The following MX1 variants were observed in gnomAD, a reference collection of about 807,000 sequenced individuals.
MX1 encodes the protein MX dynamin like GTPase 1, also known as interferon-induced GTP-binding protein Mx1.
A neutral mutation model predicts 66.4 loss-of-function variants in MX1; 66 were observed. The observed-to-expected ratio is 0.99, with a 90% CI of 0.82 to 1.22. The LOEUF is 1.22. MX1 is among the 50% of genes most tolerant of loss of function. MX1 has a pLI of 0.00. For missense variants in MX1, 787 were observed against 834.3 expected (o/e 0.94, Z 0.70); for synonymous variants, 311 against 318.1 (o/e 0.98, Z 0.24).
intron 15 of MX1, among the ~76,000 whole-genome samples, chr21:41,452,219 G>T (rs1328431089): frequency 6.6e-6 from 1 of 152,172 alleles, no homozygotes; most frequent in East Asian, 1.9e-4. Context: ...TAAACCCCGG[G>T]AACATAAAAC....
intron 16 of MX1, among the ~76,000 whole-genome samples, chr21:41,453,301 A>G (rs1327911995): frequency 6.6e-6 from 1 of 152,180 alleles, no homozygotes; most frequent in Non-Finnish European, 1.5e-5. Context: ...CTCCCACAAC[A>G]GGTGGGAATT....
At chr21:41,425,786 T>A (rs927609545), upstream of MX1, among the ~76,000 whole-genome samples, 14 of 151,680 alleles carry the variant, frequency 9.2e-5, no homozygotes, top group Admixed American at 9.2e-4. Context: ...CTGGACGGAG[T>A]TCGGGACAAG....
At position 41,441,575 on chromosome 21, in the gene MX1, C is replaced by G; in HGVS notation, c.731-141C>G. On this transcript the variant is annotated intron_variant, in intron 9 of 16. Coordinates refer to ENST00000398598, the MANE Select transcript of MX1 (RefSeq NM_002462.5). The surrounding 1 kb of genome is among the most constrained non-coding windows in gnomAD (Gnocchi z 4.0). ...TTTTCTGGAGCGGGGCTCCACTGCC[C>G]CCATGGTTCTGCAGGGGCTATGGCC... The G allele has an allele frequency of 1.2e-6, 1 of 839,886 alleles. No individual in the cohort carries two copies. The highest frequency in any genetic ancestry group is 2.5e-5 in the East Asian group (1 of 40,476). The allele number at this position is 839,886 out of a possible 1,614,324, so 52.0% of individuals were successfully genotyped here. A position where few individuals can be genotyped will look rare whatever the true frequency, so the allele number is the denominator to read the frequency against.
intron 16 of MX1, among the ~76,000 whole-genome samples, chr21:41,453,148 C>A (rs959650068): frequency 6.6e-6 from 1 of 152,130 alleles, no homozygotes; most frequent in Non-Finnish European, 1.5e-5. Context: ...TCTTACCTGG[C>A]GGCGGTGGCA....
chr21:41,452,962 G>A (rs763658752), intron 16 of MX1, 93 bp downstream of exon 16: 114 of 1,458,282 alleles, frequency 7.8e-5, no homozygotes, highest in Non-Finnish European at 9.8e-5. Context: ...TGTAGGTGAC[G>A]TTGGTCAGCT....
At chr21:41,429,295 T>A (rs532358030) in intron 3 of MX1, 1 of 152,344 alleles carries the variant, frequency 6.6e-6, no homozygotes, top group East Asian at 1.9e-4. Context: ...GTTTATGGTT[T>A]ACAGACAAAA....
chr21:41,434,087 A>T (rs2090296059), intron 5 of MX1, among the ~76,000 whole-genome samples: 1 of 152,230 alleles, frequency 6.6e-6, no homozygotes. Flanking sequence ...TTCTAACCCC[A>T]AATATGAATA....
Position 41,441,568 on chromosome 21 carries a change from C to T in MX1, c.731-148C>T. On this transcript the variant is annotated intron_variant, in intron 9 of 16. Transcript: ENST00000398598. The surrounding 1 kb of genome is among the most constrained non-coding windows in gnomAD (Gnocchi z 4.0). ...GGAGTTCTTTTCTGGAGCGGGGCTCCACTGCCCCCATGGTTCTGCAGGGGC... is the reference window on the plus strand; with the variant it reads ...GGAGTTCTTTTCTGGAGCGGGGCTCTACTGCCCCCATGGTTCTGCAGGGGC... The T allele has an allele frequency of 1.3e-6, 1 of 785,034 alleles. No individual in the cohort carries two copies. Among genetic ancestry groups the T allele is most frequent in the South Asian group, 1.6e-5 (1 of 62,866 alleles). The allele number at this position is 785,034 out of a possible 1,614,324, so 48.6% of individuals were successfully genotyped here.
intron 3 of MX1, chr21:41,428,600 G>C (rs2090129825): frequency 6.6e-6 from 1 of 152,238 alleles, no homozygotes. Flanking sequence ...CTAGTCCCTT[G>C]TCGCTTTTGC....
At chr21:41,429,202 T>C (rs2090145422) in intron 3 of MX1, 1 of 152,138 alleles carries the variant, frequency 6.6e-6, no homozygotes, top group African/African-American at 2.4e-5. Context: ...CATGGAGGAG[T>C]AAGAAACCGG....
chr21:41,441,083 G>C lies in MX1; in HGVS notation c.730+58G>C. On this transcript the variant is annotated intron_variant, in intron 9 of 16. Coordinates refer to ENST00000398598, the MANE Select transcript of MX1 (RefSeq NM_002462.5). This position sits in a 1 kb window ranked among gnomAD's most constrained non-coding sequence, Gnocchi z 4.0. Reference sequence around the variant, plus strand: ...AGAATGGGGGAGCCCGCCTGTGCTCGGTGAGAATGGGGGAGCCCACCTGTG... The same window carrying C: ...AGAATGGGGGAGCCCGCCTGTGCTCCGTGAGAATGGGGGAGCCCACCTGTG... 1 of 1,422,484 alleles carries C rather than the reference G, an allele frequency of 7.0e-7. No individual in the cohort carries two copies. The highest frequency in any genetic ancestry group is 9.4e-7 in the Non-Finnish European group (1 of 1,062,574). The allele number at this position is 1,422,484 out of a possible 1,614,324, so 88.1% of individuals were successfully genotyped here. A position where few individuals can be genotyped will look rare whatever the true frequency, so the allele number is the denominator to read the frequency against.
chr21:41,445,511 C>T lies in MX1; in HGVS notation c.1072C>T (p.Gln358Ter). ...ETHQRITEEL[Q>*]KYGVDIPEDE... ...TCACCAGAGAATAACAGAGGAGCTA[C>T]AAAAGTATGGTGTCGACATACCGGA... The change falls in exon 12 of 17, where the codon CAA becomes TAA. Residue 358 changes from glutamine (Q) to a stop codon, truncating the protein, a stop_gained. Coordinates refer to ENST00000398598, the MANE Select transcript of MX1 (RefSeq NM_002462.5). LOFTEE classifies it high-confidence loss of function. 1 of 1,614,152 alleles carries T rather than the reference C, an allele frequency of 6.2e-7. No homozygotes were observed. Among genetic ancestry groups the T allele is most frequent in the Non-Finnish European group, 8.5e-7 (1 of 1,180,014 alleles).
At chr21:41,451,135 C>T in intron 14 of MX1, 32 bp from the exon 15 acceptor site, 2 of 1,411,310 alleles carry the variant, frequency 1.4e-6, no homozygotes, top group Non-Finnish European at 2.0e-6. Context: ...ATGATCCTAC[C>T]AATATTGAAC....
chr21:41,457,386 C>G (rs1419672122), intron 16 of MX1, among the ~76,000 whole-genome samples: 6 of 152,222 alleles, frequency 3.9e-5, no homozygotes, highest in African/African-American at 1.4e-4. Context: ...AGGACTTTGT[C>G]TCCCTGAGAT....
intron 5 of MX1, among the ~76,000 whole-genome samples, chr21:41,433,576 A>G (rs1462788143): frequency 6.6e-6 from 1 of 152,250 alleles, no homozygotes; most frequent in Non-Finnish European, 1.5e-5. Flanking sequence ...AAATGATTCC[A>G]CTTACGTAAA....
chr21:41,429,146 G>A (rs1462786632), intron 3 of MX1: 1 of 152,300 alleles, frequency 6.6e-6, no homozygotes, highest in African/African-American at 2.4e-5. Context: ...CGGAACTGGT[G>A]CCTGCACTCA....
At chr21:41,443,004 A>G (rs2090562106) in intron 10 of MX1, among the ~76,000 whole-genome samples, 1 of 152,232 alleles carries the variant, frequency 6.6e-6, no homozygotes, top group African/African-American at 2.4e-5. Flanking sequence ...CAGTTTGGGA[A>G]TATGAAAAGT....
chr21:41,451,706 A>G (rs1411718326), intron 15 of MX1, among the ~76,000 whole-genome samples: 3 of 151,894 alleles, frequency 2.0e-5, no homozygotes, highest in Admixed American at 6.6e-5. Context: ...GTGGTGGTGC[A>G]TGCCTGTAAT....
In MX1 at chr21:41,432,169, A is replaced by G. The variant is rs771832832; in HGVS notation, c.99A>G (p.Pro33=). The G allele has an allele frequency of 1.9e-6, 3 of 1,613,950 alleles. No homozygotes were observed. Among genetic ancestry groups the G allele is most frequent in the Non-Finnish European group, 2.5e-6 (3 of 1,180,012 alleles). Residue 33 remains proline, a synonymous_variant, in exon 5 of 17, where the codon CCA becomes CCG. Coordinates refer to ENST00000398598, the MANE Select transcript of MX1 (RefSeq NM_002462.5). ...NGDATVAQKN[P]GSVAENNLCS... is the part of the protein sequence containing the mutation. The stretch of plus-strand genomic sequence containing the variant: ...ATGCTACTGTGGCCCAGAAAAATCC[A>G]GGCTCGGTAAGTTGCTCTCTGAAAG...
Sources: allele counts gnomAD v4.1 joint callset (sites outside exome capture counted in the v4.1 genomes callset), GRCh38; gene constraint gnomAD v4.1.1; non-coding constraint Gnocchi (gnomAD v3.1); transcripts MANE v1.5; gene names NCBI Gene and HGNC (gene_info 2026-07-23, HGNC 2026-07-21).